Variants in ZNF76 observed in about 807,000 individuals in gnomAD.
The protein encoded by ZNF76 is zinc finger protein 76.
In ZNF76, 66 loss-of-function variants were observed where a neutral mutation model predicts 66.9. That is an observed-to-expected ratio of 0.99 (90% CI 0.81 to 1.21). The LOEUF is 1.21. Among genes scored for constraint, ZNF76 ranks in the 50% most tolerant of loss-of-function variants. ZNF76 has a pLI of 0.00. For synonymous variants in ZNF76, 275 were observed against 296.1 expected (o/e 0.93, Z 0.73); for missense variants, 729 against 760.3 (o/e 0.96, Z 0.48).
At position 35,292,597 on chromosome 6, in the gene ZNF76, C is replaced by T; in HGVS notation, c.975C>T (p.Arg325=). Residue 325 remains arginine, a synonymous_variant, in exon 10 of 14, where the codon CGC becomes CGT. Transcript: ENST00000373953. This position sits in a 1 kb window ranked among gnomAD's most constrained non-coding sequence, Gnocchi z 4.7. ...GCACGGTGCCAGGCTGCGGGAAACGCTTCACCGAGTACTCGAGCTTGTATA... is the reference window on the plus strand; with the variant it reads ...GCACGGTGCCAGGCTGCGGGAAACGTTTCACCGAGTACTCGAGCTTGTATA... ...YVCTVPGCGK[R]FTEYSSLYKH... 1 of 1,613,786 alleles carries T rather than the reference C, an allele frequency of 6.2e-7. No individual in the cohort carries two copies. The highest frequency in any genetic ancestry group is 8.5e-7 in the Non-Finnish European group (1 of 1,180,036).
chr6:35,282,839 G>GT (rs1460067912), intron 2 of ZNF76, among the ~76,000 whole-genome samples: 2 of 152,236 alleles, frequency 1.3e-5, no homozygotes, highest in African/African-American at 2.4e-5. Flanking sequence ...ATATGACAGT[G>GT]TGTGGGGGTC....
Position 35,294,442 on chromosome 6 carries a change from C to CT in ZNF76, c.1495-10dup. On this transcript the variant is annotated splice_polypyrimidine_tract_variant and intron_variant, in intron 12 of 13. Transcript: ENST00000373953. ...TACTGCAGGTGGAATGGAAGACCTC[C>CT]TTTTGTCTTTCAGGTCACAATCATT... The CT allele has an allele frequency of 6.3e-7, 1 of 1,585,374 alleles. No individual in the cohort carries two copies.
chr6:35,292,664 A>G lies in ZNF76; in HGVS notation c.1042A>G (p.Ser348Gly). The G allele has an allele frequency of 1.2e-6, 2 of 1,614,148 alleles. No homozygotes were observed. The highest frequency in any genetic ancestry group is 1.7e-6 in the Non-Finnish European group (2 of 1,180,034). ...CACACACTGCAAGCCCTACACCTGCAGCACCTGCGGCAAGACCTACCGGCA... is the reference window on the plus strand; with the variant it reads ...CACACACTGCAAGCCCTACACCTGCGGCACCTGCGGCAAGACCTACCGGCA... ...VHTHCKPYTCSTCGKTYRQTS... is the reference protein window; with the variant it reads ...VHTHCKPYTCGTCGKTYRQTS... Residue 348 changes from serine to glycine, a missense_variant, in exon 10 of 14, where the codon AGC becomes GGC. Physicochemically the swap from Ser to Gly is moderately conservative, Grantham distance 56. Transcript: ENST00000373953. This position sits in a 1 kb window ranked among gnomAD's most constrained non-coding sequence, Gnocchi z 4.7.
intron 7 of ZNF76, 26 bp from the exon 8 acceptor site, chr6:35,291,252 A>C (rs1582184494): frequency 1.3e-6 from 2 of 1,588,024 alleles, no homozygotes; most frequent in Non-Finnish European, 8.6e-7. Flanking sequence ...TGCTCATCTC[A>C]CCCCCTGCCT....
At chr6:35,291,157 A>T in intron 7 of ZNF76, 121 bp from the exon 8 acceptor site, 1 of 1,357,224 alleles carries the variant, frequency 7.4e-7, no homozygotes, top group South Asian at 1.4e-5. Flanking sequence ...CAGGGGTGGG[A>T]TAGAGGCAGA....
At chr6:35,286,838 C>T (rs776596071) in intron 4 of ZNF76, 29 of 232,384 alleles carry the variant, frequency 1.2e-4, no homozygotes, top group Non-Finnish European at 2.4e-4. Context: ...GTGCAGTATA[C>T]AAGACAGAAC....
intron 12 of ZNF76, chr6:35,294,181 G>C (rs567192027): frequency 1.7e-6 from 1 of 584,494 alleles, no homozygotes; most frequent in South Asian, 2.1e-5. Flanking sequence ...ATGGACTTCT[G>C]TCCATTTTCA....
chr6:35,290,989 C>T (rs1259406539), intron 7 of ZNF76: 2 of 592,660 alleles, frequency 3.4e-6, no homozygotes, highest in African/African-American at 1.9e-5. Context: ...ATTGGGTGGG[C>T]CATTGCATCT....
At position 35,292,912 on chromosome 6, in the gene ZNF76, C is replaced by G; in HGVS notation, c.1197C>G (p.Pro399=). 1 of 1,614,228 alleles carries G rather than the reference C, an allele frequency of 6.2e-7. No individual in the cohort carries two copies. Among genetic ancestry groups the G allele is most frequent in the Non-Finnish European group, 8.5e-7 (1 of 1,180,046 alleles). The change falls in exon 11 of 14, where the codon CCC becomes CCG. Residue 399 remains proline (P), a synonymous_variant. Transcript: ENST00000373953. The surrounding 1 kb of genome is among the most constrained non-coding windows in gnomAD (Gnocchi z 4.7). The part of the protein sequence containing the change: ...AASAAEESPP[P]KRPRIAYLSE... ...CTGCAGCCGAGGAGAGTCCGCCACC[C>G]AAACGACCCCGGATAGCTTACCTTT... is the stretch of plus-strand genomic sequence containing the variant.
In ZNF76 at chr6:35,292,391, C is replaced by T. The variant is rs1207079462; in HGVS notation, c.932-163C>T. On this transcript the variant is annotated intron_variant, in intron 9 of 13. Transcript: ENST00000373953. The surrounding 1 kb of genome is among the most constrained non-coding windows in gnomAD (Gnocchi z 4.7). ...TCAACACCTGTGTCCTCTCTGTGTT[C>T]CACTGGCCATCTTCCCCAACCCTGT... 7.2e-6 allele frequency: 5 copies of T among 696,262 alleles called. No homozygotes were observed. Among genetic ancestry groups the T allele is most frequent in the Non-Finnish European group, 1.3e-5 (5 of 394,818 alleles). The allele number at this position is 696,262 out of a possible 1,614,324, so 43.1% of individuals were successfully genotyped here.
intron 5 of ZNF76, among the ~76,000 whole-genome samples, chr6:35,289,359 C>G (rs1234993832): frequency 6.6e-6 from 1 of 152,206 alleles, no homozygotes; most frequent in Non-Finnish European, 1.5e-5. Flanking sequence ...GTTTAAGTGT[C>G]CGTGAAGCTC....
Position 35,295,155 on chromosome 6 carries a change from G to A in ZNF76, c.1620G>A (p.Gln540=). ...CCCCTTCCCCACAGCTGGAGGAACA[G>A]CAGACCTTAGAGGAGGCCATCAATG... ...GTHIAVQLEE[Q]QTLEEAINVA... Residue 540 remains glutamine, a synonymous_variant, in exon 14 of 14, where the codon CAG becomes CAA. Transcript: ENST00000373953. 1 of 1,611,938 alleles carries A rather than the reference G, an allele frequency of 6.2e-7. No individual in the cohort carries two copies. The highest frequency in any genetic ancestry group is 8.5e-7 in the Non-Finnish European group (1 of 1,178,988).
intron 1 of ZNF76, among the ~76,000 whole-genome samples, chr6:35,266,240 C>T (rs1035496477): frequency 6.6e-6 from 1 of 151,954 alleles, no homozygotes; most frequent in South Asian, 2.1e-4. Flanking sequence ...GCAACCTCCG[C>T]CTCCTGGGTT....
intron 1 of ZNF76, among the ~76,000 whole-genome samples, chr6:35,277,878 G>T (rs1026667629): frequency 1.3e-5 from 2 of 152,134 alleles, no homozygotes; most frequent in African/African-American, 4.8e-5. Context: ...GTTTGTTTTT[G>T]AGACGGAGTC....
chr6:35,278,935 G>T (rs1322548919), intron 1 of ZNF76, among the ~76,000 whole-genome samples: 1 of 152,230 alleles, frequency 6.6e-6, no homozygotes, highest in East Asian at 1.9e-4. Context: ...AAAGCCTTGT[G>T]TAGGCAACGG....
intron 2 of ZNF76, among the ~76,000 whole-genome samples, chr6:35,283,109 C>G (rs1789018650): frequency 6.6e-6 from 1 of 151,974 alleles, no homozygotes; most frequent in Non-Finnish European, 1.5e-5. Context: ...AATGGTCAAA[C>G]AAATGAATAA....
chr6:35,295,393 A>G lies in ZNF76; in HGVS notation c.*145A>G. 1 of 736,812 alleles carries G rather than the reference A, an allele frequency of 1.4e-6. No homozygotes were observed. Among genetic ancestry groups the G allele is most frequent in the East Asian group, 2.7e-5 (1 of 36,786 alleles). 45.6% of individuals were successfully genotyped at this position (736,812 alleles called of 1,614,324 possible). A position where few individuals can be genotyped will look rare whatever the true frequency, so the allele number is the denominator to read the frequency against. On this transcript the variant is annotated 3_prime_UTR_variant, in exon 14 of 14. Coordinates refer to ENST00000373953, the MANE Select transcript of ZNF76 (RefSeq NM_003427.5). ...TGAGAAGACAGCAAGAAAACTGCCT[A>G]ACTGAAGGGAATGGGGGCCCTGCTC...
chr6:35,284,355 A>G (rs995212038), intron 2 of ZNF76, among the ~76,000 whole-genome samples: 1 of 151,572 alleles, frequency 6.6e-6, no homozygotes, highest in Non-Finnish European at 1.5e-5. Context: ...CAGCCTCCCA[A>G]AGTGCTGGGA....
chr6:35,283,569 A>G (rs1789096863), intron 2 of ZNF76, among the ~76,000 whole-genome samples: 1 of 152,198 alleles, frequency 6.6e-6, no homozygotes, highest in South Asian at 2.1e-4. Context: ...ATGGGATATG[A>G]GGCCCTTGTC....
Sources: allele counts gnomAD v4.1 joint callset (sites outside exome capture counted in the v4.1 genomes callset), GRCh38; gene constraint gnomAD v4.1.1; non-coding constraint Gnocchi (gnomAD v3.1); transcripts MANE v1.5; gene names NCBI Gene and HGNC (gene_info 2026-07-23, HGNC 2026-07-21).